CNTN1: variants seen among roughly 807,000 people sequenced by gnomAD.
The protein encoded by CNTN1 is contactin-1.
CNTN1 carries 38 observed loss-of-function variants against 126.4 expected under a neutral mutation model. The ratio of observed to expected loss-of-function variants is 0.30; its 90% CI spans 0.23 to 0.39. The LOEUF is 0.39. Ranked by LOEUF, CNTN1 falls within the 10% of genes least tolerant of loss-of-function variation. CNTN1 has a pLI of 1.00. For synonymous variants in CNTN1, 413 were observed against 422.6 expected, an observed-to-expected ratio of 0.98 and a Z score of 0.28; for missense variants, 1,009 against 1,248.4, an observed-to-expected ratio of 0.81 and a Z score of 2.89.
At chr12:40,872,276 T>C (rs1347909119) in intron 1 of CNTN1, among the ~76,000 whole-genome samples, 2 of 149,088 alleles carry the variant, frequency 1.3e-5, no homozygotes, top group African/African-American at 4.9e-5. Context: ...CCTATCATGA[T>C]ACAGAAAATC....
chr12:40,935,274 C>A (rs1448490503), intron 9 of CNTN1, among the ~76,000 whole-genome samples: 1 of 151,988 alleles, frequency 6.6e-6, no homozygotes, highest in Admixed American at 6.6e-5. Flanking sequence ...ATAAATCCAC[C>A]ACTTTCTACT....
At chr12:40,946,879 A>C (rs1294272090) in intron 14 of CNTN1, among the ~76,000 whole-genome samples, 2 of 151,996 alleles carry the variant, frequency 1.3e-5, no homozygotes, top group Non-Finnish European at 2.9e-5. Flanking sequence ...CTTTTCCTTC[A>C]TGAAATTAAA....
At chr12:40,733,498 C>A (rs943399060) in intron 1 of CNTN1, among the ~76,000 whole-genome samples, 4 of 151,836 alleles carry the variant, frequency 2.6e-5, no homozygotes, top group African/African-American at 4.8e-5. Context: ...CCTCCCCCTT[C>A]CCCTGCCAGA....
At chr12:40,992,559 G>A (rs1420094738) in intron 16 of CNTN1, among the ~76,000 whole-genome samples, 8 of 151,880 alleles carry the variant, frequency 5.3e-5, no homozygotes, top group Admixed American at 5.3e-4. Context: ...CTAGTAGCAT[G>A]AATTCTGAGG....
At chr12:40,839,593 A>C (rs1336461211) in intron 1 of CNTN1, among the ~76,000 whole-genome samples, 1 of 152,214 alleles carries the variant, frequency 6.6e-6, no homozygotes, top group Admixed American at 6.5e-5. Context: ...TCAGTTGAAC[A>C]CTTACAGGCC....
chr12:40,798,516 G>A (rs962871601), intron 1 of CNTN1, among the ~76,000 whole-genome samples: 3 of 151,796 alleles, frequency 2.0e-5, no homozygotes, highest in South Asian at 2.1e-4. Flanking sequence ...AATGGATTAC[G>A]AAGGCCCAAG....
intron 1 of CNTN1, among the ~76,000 whole-genome samples, chr12:40,788,043 G>C (rs1940092407): frequency 6.6e-6 from 1 of 152,024 alleles, no homozygotes; most frequent in Admixed American, 6.6e-5. Context: ...AAAAATACTA[G>C]AATTCAAACT....
chr12:40,962,951 A>G (rs1348727068), intron 15 of CNTN1, among the ~76,000 whole-genome samples: 2 of 152,138 alleles, frequency 1.3e-5, no homozygotes, highest in South Asian at 4.1e-4. Context: ...ATTTCTTCAA[A>G]TGCTGTTGTC....
intron 19 of CNTN1, among the ~76,000 whole-genome samples, chr12:41,020,045 G>A (rs1270762536): frequency 1.3e-5 from 2 of 151,924 alleles, no homozygotes; most frequent in African/African-American, 4.8e-5. Flanking sequence ...GAAGCTTTCT[G>A]TATTTGGTAA....
intron 1 of CNTN1, among the ~76,000 whole-genome samples, chr12:40,702,121 A>G (rs1941611474): frequency 6.7e-6 from 1 of 149,660 alleles, no homozygotes; most frequent in South Asian, 2.1e-4. Flanking sequence ...TTTTCCCTAG[A>G]GACAGGGTCT....
At chr12:40,935,292 T>C (rs1034717464) in intron 9 of CNTN1, among the ~76,000 whole-genome samples, 4 of 152,104 alleles carry the variant, frequency 2.6e-5, no homozygotes, top group Admixed American at 1.3e-4. Flanking sequence ...ACTAGGTTTC[T>C]AAAGCTTATA....
intron 6 of CNTN1, 133 bp downstream of exon 6, chr12:40,924,785 C>T (rs2136883467): frequency 1.6e-6 from 1 of 637,854 alleles, no homozygotes; most frequent in African/African-American, 1.8e-5. Context: ...TATTTGCATA[C>T]CTTGTAATGT....
At chr12:40,757,461 A>G in intron 1 of CNTN1, among the ~76,000 whole-genome samples, 1 of 152,230 alleles carries the variant, frequency 6.6e-6, no homozygotes. Flanking sequence ...AAATATAAGA[A>G]GAAATAAAGT....
At chr12:40,903,072 A>G (rs928361543) in intron 1 of CNTN1, among the ~76,000 whole-genome samples, 2 of 152,234 alleles carry the variant, frequency 1.3e-5, no homozygotes, top group East Asian at 1.9e-4. Context: ...AGGATGCTGG[A>G]GAACAGAAGG....
intron 1 of CNTN1, among the ~76,000 whole-genome samples, chr12:40,861,387 G>GT (rs1272392162): frequency 6.6e-6 from 1 of 151,650 alleles, no homozygotes; most frequent in Admixed American, 6.6e-5. Flanking sequence ...AAATTTGCCT[G>GT]TTTAAAAAAA....
At chr12:41,069,875 T>A in intron 23 of CNTN1, 84 bp from the exon 24 acceptor site, 1 of 1,075,852 alleles carries the variant, frequency 9.3e-7, no homozygotes. Context: ...GGCTATGCAA[T>A]CTCGCCTTAG....
chr12:40,718,459 G>C (rs950805889), intron 1 of CNTN1, among the ~76,000 whole-genome samples: 16 of 152,214 alleles, frequency 1.1e-4, no homozygotes, highest in Admixed American at 9.8e-4. Flanking sequence ...GATTACAGGC[G>C]TGAGCCATCA....
At chr12:40,730,738 C>T (rs1942477056) in intron 1 of CNTN1, among the ~76,000 whole-genome samples, 1 of 152,114 alleles carries the variant, frequency 6.6e-6, no homozygotes, top group African/African-American at 2.4e-5. Flanking sequence ...AATATCTTTT[C>T]CAGAGTGTCT....
intron 1 of CNTN1, among the ~76,000 whole-genome samples, chr12:40,747,386 C>T (rs906486094): frequency 8.7e-5 from 13 of 150,118 alleles, no homozygotes; most frequent in African/African-American, 9.8e-5. Flanking sequence ...AGAAGCAAGC[C>T]GTGCAAAGAC....
Sources: allele counts gnomAD v4.1 joint callset (sites outside exome capture counted in the v4.1 genomes callset), GRCh38; gene constraint gnomAD v4.1.1; transcripts MANE v1.5; gene names NCBI Gene and HGNC (gene_info 2026-07-23, HGNC 2026-07-21).